Variants in PDE10A observed in about 807,000 individuals in gnomAD.
The protein encoded by PDE10A is cAMP and cAMP-inhibited cGMP 3',5'-cyclic phosphodiesterase 10A.
A neutral mutation model predicts 97.7 loss-of-function variants in PDE10A; 39 were observed. The ratio of observed to expected loss-of-function variants is 0.40; its 90% CI spans 0.31 to 0.52. The LOEUF is 0.52. Ranked by LOEUF, PDE10A falls within the 20% of genes least tolerant of loss-of-function variation. The probability of loss-of-function intolerance (pLI) is 0.56; values close to 1 mark genes in which losing one functional copy is unlikely to be tolerated. For missense variants in PDE10A, 731 were observed against 1,047.8 expected, an observed-to-expected ratio of 0.70 and a Z score of 4.17; for synonymous variants, 371 against 376.8, an observed-to-expected ratio of 0.98 and a Z score of 0.18.
intron 1 of PDE10A, among the ~76,000 whole-genome samples, chr6:165,836,369 A>G (rs1780063630): frequency 6.6e-6 from 1 of 152,228 alleles, no homozygotes; most frequent in South Asian, 2.1e-4. Flanking sequence ...TGACCGGCGC[A>G]CGTCGGCACA....
chr6:165,691,196 T>TA lies in PDE10A; in HGVS notation c.-614-147629_-614-147628insT, dbSNP rs1431798334. 4.7e-3 allele frequency among the ~76,000 whole-genome samples: 263 copies of TA among 56,314 alleles called. 13 individuals carry two copies. Among genetic ancestry groups the TA allele is most frequent in the African/African-American group, 0.021 (252 of 11,968 alleles). 36.9% of individuals were successfully genotyped at this position (56,314 alleles called of 152,430 possible). A position where few individuals can be genotyped will look rare whatever the true frequency, so the allele number is the denominator to read the frequency against. On this transcript the variant is annotated intron_variant, in intron 1 of 19. Coordinates refer to the PDE10A transcript ENST00000366882. Reference sequence around the variant, plus strand: ...TTCTCTCTCTCTCTCTCCCTCTCTCTCTCTCCCCACACACACACACACACA... The same window carrying TA: ...TTCTCTCTCTCTCTCTCCCTCTCTCTACTCTCCCCACACACACACACACACA...
rs142636308 is a variant in PDE10A at position 165,353,653 on chromosome 6, T to C, written c.2784-10151A>G. ...ATTTGAAAGTCAACTACTCTATGAT[T>C]CCAACTATATGACATTCTGGAAAAG... On this transcript the variant is annotated intron_variant, in intron 18 of 21. Coordinates refer to ENST00000539869, the MANE Select transcript of PDE10A (RefSeq NM_001385079.1). Among the ~76,000 whole-genome samples the C allele has an allele frequency of 4.9e-3, 750 of 152,282 alleles. 6 individuals carry two copies. The highest frequency in any genetic ancestry group is 0.017 in the African/African-American group (698 of 41,566).
chr6:165,604,518 T>TAAAAGAAAAAAAA (rs1787115956), intron 1 of PDE10A, among the ~76,000 whole-genome samples: 1 of 137,766 alleles, frequency 7.3e-6, no homozygotes, highest in African/African-American at 2.7e-5. Context: ...CTCTCTTTGT[T>TAAAAGAAAAAAAA]AAAAAAAAAA....
intron 1 of PDE10A, among the ~76,000 whole-genome samples, chr6:165,885,391 T>C (rs1013448881): frequency 6.6e-6 from 1 of 152,074 alleles, no homozygotes; most frequent in African/African-American, 2.4e-5. Context: ...TCAGATCTCG[T>C]GAGAACTCCT....
intron 1 of PDE10A, among the ~76,000 whole-genome samples, chr6:165,561,117 G>T (rs984426593): frequency 9.9e-5 from 15 of 152,040 alleles, no homozygotes; most frequent in Non-Finnish European, 4.4e-5. Flanking sequence ...TACTCGGGAG[G>T]CTGAGGCAGA....
chr6:165,474,785 A>G (rs938318687), intron 3 of PDE10A, among the ~76,000 whole-genome samples: 3 of 152,248 alleles, frequency 2.0e-5, no homozygotes, highest in African/African-American at 7.2e-5. Flanking sequence ...TAAATTTTTA[A>G]TGACATTACT....
chr6:165,536,486 G>A (rs1194861614), intron 2 of PDE10A, among the ~76,000 whole-genome samples: 4 of 151,458 alleles, frequency 2.6e-5, no homozygotes, highest in Non-Finnish European at 5.9e-5. Context: ...AAAAACTTCT[G>A]CAAGCAAACA....
rs776243789 is a variant in PDE10A at position 165,336,755 on chromosome 6, CAAAAAAAAA to C, written c.2977-553_2977-545del. Among the ~76,000 whole-genome samples, 5 of 50,486 alleles carry C rather than the reference CAAAAAAAAA, an allele frequency of 9.9e-5. No homozygotes were observed. In the East Asian group the frequency reaches 3.4e-3, roughly 34 times the overall value. The allele number at this position is 50,486 out of a possible 152,430, so 33.1% of individuals were successfully genotyped here. ...TGGGCGACAGAGCGAGACTCCGTCT[CAAAAAAAAA>C]AAAAAAAAAAAAAAAATACCTACTG... On this transcript the variant is annotated intron_variant, in intron 20 of 21. Coordinates refer to ENST00000539869, the MANE Select transcript of PDE10A (RefSeq NM_001385079.1).
At chr6:165,696,208 G>C (rs1007583174) in intron 1 of PDE10A, among the ~76,000 whole-genome samples, 1 of 152,202 alleles carries the variant, frequency 6.6e-6, no homozygotes, top group Non-Finnish European at 1.5e-5. Flanking sequence ...CCAGTATCCA[G>C]AGCTGCTACA....
At chr6:165,974,556 T>G (rs1784793719) in intron 1 of PDE10A, among the ~76,000 whole-genome samples, 1 of 152,184 alleles carries the variant, frequency 6.6e-6, no homozygotes, top group Non-Finnish European at 1.5e-5. Context: ...AGAGAAGATA[T>G]CATAAGCAAT....
intron 1 of PDE10A, among the ~76,000 whole-genome samples, chr6:165,923,566 G>A (rs541547092): frequency 6.6e-6 from 1 of 152,306 alleles, no homozygotes; most frequent in Non-Finnish European, 1.5e-5. Flanking sequence ...TCCTGGCTGT[G>A]GTTGGGAGGT....
At chr6:165,631,132 C>T (rs1037840330) in intron 1 of PDE10A, among the ~76,000 whole-genome samples, 1 of 152,166 alleles carries the variant, frequency 6.6e-6, no homozygotes, top group Non-Finnish European at 1.5e-5. Flanking sequence ...TTTTGCATTG[C>T]TCTCTGTTCA....
intron 2 of PDE10A, among the ~76,000 whole-genome samples, chr6:165,502,727 T>C (rs1330779170): frequency 2.0e-5 from 3 of 152,180 alleles, no homozygotes; most frequent in Non-Finnish European, 4.4e-5. Flanking sequence ...AACATCATGC[T>C]AGGTGAGAGA....
At chr6:165,987,330 CTCA>C (rs1785254199) in intron 1 of PDE10A, among the ~76,000 whole-genome samples, 1 of 152,152 alleles carries the variant, frequency 6.6e-6, no homozygotes, top group Non-Finnish European at 1.5e-5. Flanking sequence ...CTCGAGTCCA[CTCA>C]TCACCCTTTC....
At chr6:165,822,486 T>C (rs1230597174) in intron 1 of PDE10A, among the ~76,000 whole-genome samples, 1 of 152,334 alleles carries the variant, frequency 6.6e-6, no homozygotes, top group African/African-American at 2.4e-5. Flanking sequence ...GGCTGGATGG[T>C]GTAGCCCATT....
intron 1 of PDE10A, among the ~76,000 whole-genome samples, chr6:165,968,416 ACCACTACCAC>A (rs780111352): frequency 1.6e-4 from 24 of 152,202 alleles, no homozygotes; most frequent in Non-Finnish European, 3.5e-4. Flanking sequence ...CCATGAAGCC[ACCACTACCAC>A]CCACTATCAC....
chr6:165,718,809 A>G (rs1410694937), intron 1 of PDE10A, among the ~76,000 whole-genome samples: 1 of 152,242 alleles, frequency 6.6e-6, no homozygotes, highest in East Asian at 1.9e-4. Flanking sequence ...AGAATGGCTA[A>G]GGATAACAAG....
intron 18 of PDE10A, among the ~76,000 whole-genome samples, chr6:165,353,049 C>T (rs1782800011): frequency 6.6e-6 from 1 of 152,144 alleles, no homozygotes; most frequent in African/African-American, 2.4e-5. Context: ...TGACACCTCA[C>T]TAAAAATATA....
intron 1 of PDE10A, among the ~76,000 whole-genome samples, chr6:165,716,784 C>G (rs537898599): frequency 6.6e-6 from 1 of 152,094 alleles, no homozygotes; most frequent in South Asian, 2.1e-4. Context: ...GTCTAAGAAC[C>G]AAAATCTTTT....
Sources: allele counts gnomAD v4.1 joint callset (sites outside exome capture counted in the v4.1 genomes callset), GRCh38; gene constraint gnomAD v4.1.1; transcripts MANE v1.5; gene names NCBI Gene and HGNC (gene_info 2026-07-23, HGNC 2026-07-21).